Variants in MAP4 observed in about 807,000 individuals in gnomAD.
MAP4 encodes microtubule-associated protein 4.
A neutral mutation model predicts 170.2 loss-of-function variants in MAP4; 76 were observed. The ratio of observed to expected loss-of-function variants is 0.45; its 90% CI spans 0.37 to 0.54. The LOEUF (loss-of-function observed/expected upper bound fraction) is 0.54. MAP4 is among the 20% of genes least tolerant of loss of function. MAP4 has a pLI of 0.00. For missense variants in MAP4, 2,506 were observed against 2,748.0 expected (o/e 0.91, Z 1.97); for synonymous variants, 909 against 994.5 (o/e 0.91, Z 1.62).
intron 1 of MAP4, among the ~76,000 whole-genome samples, chr3:48,054,296 C>CAAAAAACAA (rs988451401): frequency 6.8e-6 from 1 of 146,602 alleles, no homozygotes; most frequent in East Asian, 2.1e-4. Flanking sequence ...GACTCTACCT[C>CAAAAAACAA]AAAAAACAAA....
intron 1 of MAP4, among the ~76,000 whole-genome samples, chr3:48,038,176 G>GAAAAAAAAAAAAAAAAAAAAAAA (rs397786308): frequency 8.4e-6 from 1 of 118,862 alleles, no homozygotes; most frequent in African/African-American, 3.4e-5. Context: ...TCCAAAAAAA[G>GAAAAAAAAAAAAAAAAAAAAAAA]AAAAAAAAAA....
chr3:47,955,436 A>G (rs772998755), intron 3 of MAP4, among the ~76,000 whole-genome samples: 8 of 5,774 alleles, frequency 1.4e-3, no homozygotes, highest in Non-Finnish European at 6.6e-3. Flanking sequence ...ATAAGCACGT[A>G]CACACACACA....
intron 10 of MAP4, among the ~76,000 whole-genome samples, chr3:47,902,529 C>A (rs984565217): frequency 8.6e-5 from 13 of 151,824 alleles, no homozygotes; most frequent in Non-Finnish European, 2.9e-5. Flanking sequence ...CAAAAATTAG[C>A]CGGGCGTGGT....
chr3:47,941,387 C>CTGCA (rs1318672821), intron 3 of MAP4, among the ~76,000 whole-genome samples: 2 of 152,010 alleles, frequency 1.3e-5, no homozygotes, highest in Non-Finnish European at 2.9e-5. Flanking sequence ...TCTTCATATA[C>CTGCA]TGCAACCCAA....
At chr3:47,941,618 AAAC>A (rs1459975666) in intron 3 of MAP4, among the ~76,000 whole-genome samples, 1 of 149,608 alleles carries the variant, frequency 6.7e-6, no homozygotes, top group African/African-American at 2.5e-5. Flanking sequence ...TCTACTAAAA[AAAC>A]AAAAACAAAA....
chr3:48,065,968 AAAAG>A (rs1228410016), intron 1 of MAP4, among the ~76,000 whole-genome samples: 2 of 152,200 alleles, frequency 1.3e-5, no homozygotes, highest in African/African-American at 4.8e-5. Flanking sequence ...AAACAACAAA[AAAAG>A]AAACGATAAA....
Position 47,852,394 on chromosome 3 carries a change from T to G in MAP4, c.*540A>C. 2.8e-5 allele frequency: 5 copies of G among 180,636 alleles called. No individual in the cohort carries two copies. Among genetic ancestry groups the G allele is most frequent in the East Asian group, 1.5e-4 (1 of 6,832 alleles). 11.2% of individuals were successfully genotyped at this position (180,636 alleles called of 1,614,324 possible). Reference sequence around the variant, plus strand: ...CTGCATGGGGAGGGGGGGGCGCCCATTTGTGGGACCAGAGGGAGAGGCAGT... The same window carrying G: ...CTGCATGGGGAGGGGGGGGCGCCCAGTTGTGGGACCAGAGGGAGAGGCAGT... On this transcript the variant is annotated 3_prime_UTR_variant, in exon 21 of 21. Transcript: ENST00000683076.
Position 47,881,446 on chromosome 3 carries a change from C to CTATATATATATATA in MAP4, c.5435-3937_5435-3924dup, listed in dbSNP as rs56923064. On this transcript the variant is annotated intron_variant, in intron 10 of 20. Transcript: ENST00000683076. ...CAGCCTGGGCAACAAGAAAAAACAA[C>CTATATATATATATA]TATATATATATATATATATATATAT... Among the ~76,000 whole-genome samples the CTATATATATATATA allele has an allele frequency of 3.6e-4, 18 of 49,466 alleles. 1 individual carries two copies. Among genetic ancestry groups the CTATATATATATATA allele is most frequent in the Admixed American group, 6.0e-4 (3 of 4,984 alleles). The allele number at this position is 49,466 out of a possible 152,430, so 32.5% of individuals were successfully genotyped here.
rs979362349 is a variant in MAP4, at chr3:48,022,903, A to C, written c.-19-24024T>G. The stretch of plus-strand genomic sequence containing the variant: ...GACACTCCATCTCAGGGGGGAAAAA[A>C]AAAAATTTATTTTCCAGGCATTCTT... On this transcript the variant is annotated intron_variant, in intron 1 of 18. Coordinates refer to the MAP4 transcript ENST00000360240. 5.3e-5 allele frequency among the ~76,000 whole-genome samples: 8 copies of C among 152,288 alleles called. No individual in the cohort carries two copies. In the South Asian group the frequency reaches 1.7e-3, roughly 32 times the overall value.
Position 47,852,523 on chromosome 3 carries a change from G to T in MAP4, c.*411C>A. On this transcript the variant is annotated 3_prime_UTR_variant, in exon 21 of 21. Transcript: ENST00000683076. Reference sequence around the variant, plus strand: ...AGGGAGGGCATGTCAGTTTCTTTTGGGTTTGGACCAAAGAACCAAAAAAAG... The same window carrying T: ...AGGGAGGGCATGTCAGTTTCTTTTGTGTTTGGACCAAAGAACCAAAAAAAG... The T allele has an allele frequency of 2.1e-6, 1 of 480,846 alleles. No individual in the cohort carries two copies. The highest frequency in any genetic ancestry group is 3.7e-6 in the Non-Finnish European group (1 of 273,312). 29.8% of individuals were successfully genotyped at this position (480,846 alleles called of 1,614,324 possible). A position where few individuals can be genotyped will look rare whatever the true frequency, so the allele number is the denominator to read the frequency against.
At position 47,930,437 on chromosome 3, in the gene MAP4, G is replaced by C. The variant is rs1394646142; in HGVS notation, c.293-2087C>G. 4.0e-5 allele frequency among the ~76,000 whole-genome samples: 6 copies of C among 149,160 alleles called. No homozygotes were observed. In the East Asian group the frequency reaches 1.2e-3, roughly 29 times the overall value. On this transcript the variant is annotated intron_variant, in intron 3 of 20. Coordinates refer to ENST00000683076, the MANE Select transcript of MAP4 (RefSeq NM_001385682.1). ...TCCGCAGTCCGGCCTGGGCGACAGA[G>C]CGAGACTCCGTCTCAAAAAAAAAAA...
chr3:47,949,915 GT>G (rs1374258018), intron 3 of MAP4, among the ~76,000 whole-genome samples: 1 of 152,148 alleles, frequency 6.6e-6, no homozygotes, highest in African/African-American at 2.4e-5. Flanking sequence ...GTGAGTTCCA[GT>G]CACCCCAGCT....
intron 10 of MAP4, chr3:47,892,943 T>A: frequency 1.0e-6 from 1 of 967,358 alleles, no homozygotes; most frequent in Non-Finnish European, 1.2e-6. Context: ...GAAAACTGTT[T>A]TAAAAATAAC....
At chr3:47,931,879 G>C (rs143727805) in intron 3 of MAP4, 1 of 151,868 alleles carries the variant, frequency 6.6e-6, no homozygotes, top group African/African-American at 2.4e-5. Flanking sequence ...GTAACTGACT[G>C]AACAATTGAG....
chr3:47,862,161 C>CAA (rs58780669), intron 17 of MAP4, among the ~76,000 whole-genome samples: 16 of 82,704 alleles, frequency 1.9e-4, no homozygotes, highest in East Asian at 4.0e-4. Flanking sequence ...ACTCTGTCTC[C>CAA]AAAAAAAAAA....
In MAP4 at chr3:47,910,094, GT is replaced by G; in HGVS notation, c.4326del (p.Lys1442AsnfsTer9). ...ACTACTTGAGGAGTAGGAGTGGGCAGTTTTTCACAGGCTGCTGATTCCAGAA... is the reference window on the plus strand; with the variant it reads ...ACTACTTGAGGAGTAGGAGTGGGCAGTTTTCACAGGCTGCTGATTCCAGAA... ...LEVLESAACEKLPTPTPQVVK... is the reference protein window; with the variant it reads ...LEVLESAACEXLPTPTPQVVK... On this transcript the variant is annotated frameshift_variant, in exon 9 of 21. Coordinates refer to ENST00000683076, the MANE Select transcript of MAP4 (RefSeq NM_001385682.1). LOFTEE classifies it high-confidence loss of function. The G allele has an allele frequency of 1.2e-6, 2 of 1,613,988 alleles. No individual in the cohort carries two copies. The highest frequency in any genetic ancestry group is 1.7e-6 in the Non-Finnish European group (2 of 1,179,882).
intron 10 of MAP4, among the ~76,000 whole-genome samples, chr3:47,887,935 G>A (rs928750124): frequency 2.6e-5 from 4 of 151,476 alleles, no homozygotes; most frequent in African/African-American, 7.3e-5. Flanking sequence ...TGCACCAATC[G>A]ACACTCTGTA....
chr3:47,979,170 T>C lies in MAP4; in HGVS notation c.224-1237A>G, dbSNP rs2100083940. Among the ~76,000 whole-genome samples the C allele has an allele frequency of 2.0e-5, 3 of 152,174 alleles. No homozygotes were observed. In the South Asian group the frequency reaches 6.2e-4, roughly 32 times the overall value. On this transcript the variant is annotated intron_variant, in intron 2 of 20. Coordinates refer to ENST00000683076, the MANE Select transcript of MAP4 (RefSeq NM_001385682.1). ...GAGTTAAATTTTGTATATGGTGTAA[T>C]GATGTGGGTCTAAGTTTCTATTCCT... is the stretch of plus-strand genomic sequence containing the variant.
At chr3:47,853,026 T>C in intron 20 of MAP4, 88 bp from the exon 21 acceptor site, 1 of 1,614,190 alleles carries the variant, frequency 6.2e-7, no homozygotes, top group Non-Finnish European at 8.5e-7. Flanking sequence ...GACCAGAATG[T>C]CATCATTAGA....
Sources: gnomAD v4.1 joint callset for allele counts (sites outside exome capture counted in the v4.1 genomes callset) on GRCh38, gnomAD v4.1.1 for gene constraint, MANE v1.5 for transcripts, NCBI Gene and HGNC (gene_info 2026-07-23, HGNC 2026-07-21) for gene names.